Variants in RFX7 observed in about 807,000 individuals in gnomAD.
The protein encoded by RFX7 is regulatory factor X7.
In RFX7, 26 loss-of-function variants were observed where a neutral mutation model predicts 111.8. That is an observed-to-expected ratio of 0.23 (90% CI 0.17 to 0.32). RFX7 has a LOEUF of 0.32. RFX7 is among the 10% of genes least tolerant of loss of function. RFX7 has a pLI of 1.00. For synonymous variants in RFX7, 624 were observed against 624.4 expected (o/e 1.00, Z 0.01); for missense variants, 1,573 against 1,772.9 (o/e 0.89, Z 2.02).
chr15:56,181,456 G>C (rs1337337728), intron 2 of RFX7, among the ~76,000 whole-genome samples: 1 of 152,060 alleles, frequency 6.6e-6, no homozygotes, highest in African/African-American at 2.4e-5. Flanking sequence ...TTGTTTACCA[G>C]CTATCTTCCT....
intron 2 of RFX7, among the ~76,000 whole-genome samples, chr15:56,183,383 T>G (rs1420872445): frequency 6.6e-6 from 1 of 152,154 alleles, no homozygotes. Flanking sequence ...AGTCTATATT[T>G]TATTCTAAAA....
chr15:56,189,864 T>TA (rs2043082636), intron 2 of RFX7: 1 of 152,214 alleles, frequency 6.6e-6, no homozygotes, highest in Admixed American at 6.5e-5. Flanking sequence ...GGAATCAAAC[T>TA]AGATGTCCAC....
chr15:56,116,407 C>T (rs1432975819), intron 5 of RFX7, among the ~76,000 whole-genome samples: 1 of 152,194 alleles, frequency 6.6e-6, no homozygotes, highest in African/African-American at 2.4e-5. Context: ...GGTTGCACTA[C>T]AACATTTTTA....
chr15:56,243,390 G>A, intron 1 of RFX7, 55 bp downstream of exon 1: 1 of 903,234 alleles, frequency 1.1e-6, no homozygotes. Context: ...GGAGGGGGAG[G>A]GGGAGGGGAA....
intron 3 of RFX7, among the ~76,000 whole-genome samples, chr15:56,149,453 C>A (rs532488469): frequency 1.3e-5 from 2 of 152,142 alleles, no homozygotes; most frequent in Non-Finnish European, 2.9e-5. Context: ...CAATTCCCAG[C>A]GAGATTGATG....
chr15:56,177,144 T>G (rs1400596310), intron 3 of RFX7, among the ~76,000 whole-genome samples: 2 of 152,126 alleles, frequency 1.3e-5, no homozygotes, highest in Admixed American at 1.3e-4. Context: ...CATTCCCAGC[T>G]TCAGATTTTT....
intron 2 of RFX7, among the ~76,000 whole-genome samples, chr15:56,188,725 C>T (rs1256508752): frequency 1.3e-5 from 2 of 152,178 alleles, no homozygotes; most frequent in African/African-American, 2.4e-5. Context: ...AAACCTCATA[C>T]TATAGAAAAA....
At position 56,103,544 on chromosome 15, in the gene RFX7, T is replaced by C. The variant is rs2041787463; in HGVS notation, c.518+10A>G. 6.4e-7 allele frequency: 1 copy of C among 1,554,616 alleles called. No homozygotes were observed. The highest frequency in any genetic ancestry group is 8.8e-7 in the Non-Finnish European group (1 of 1,133,634). Reference sequence around the variant, plus strand: ...AGAGATATTACTAACACCATTCTGGTAAAGGATATTTAGATTTGCCTCTTG... The same window carrying C: ...AGAGATATTACTAACACCATTCTGGCAAAGGATATTTAGATTTGCCTCTTG... On this transcript the variant is annotated intron_variant, in intron 6 of 9. Transcript: ENST00000559447.
At chr15:56,187,070 T>C (rs1205292293) in intron 2 of RFX7, among the ~76,000 whole-genome samples, 4 of 152,304 alleles carry the variant, frequency 2.6e-5, no homozygotes, top group East Asian at 1.9e-4. Context: ...CAAGTTAACA[T>C]ATATTAAAAT....
At chr15:56,186,707 CAT>C (rs34384683) in intron 2 of RFX7, among the ~76,000 whole-genome samples, 10,165 of 151,884 alleles carry the variant, frequency 0.067, 448 homozygotes, top group Admixed American at 0.11. Context: ...CATATCTATA[CAT>C]ATATGTGTGT....
chr15:56,195,762 C>T (rs1277055345), intron 2 of RFX7, among the ~76,000 whole-genome samples: 7 of 152,122 alleles, frequency 4.6e-5, no homozygotes, highest in Non-Finnish European at 1.5e-5. Flanking sequence ...CTAAAATTGC[C>T]CCACATTATT....
intron 3 of RFX7, among the ~76,000 whole-genome samples, chr15:56,157,450 T>A (rs980211491): frequency 2.2e-4 from 33 of 152,240 alleles, no homozygotes; most frequent in Non-Finnish European, 4.4e-4. Flanking sequence ...TATTTCACAC[T>A]TTCTCTACTG....
chr15:56,160,729 C>T lies in RFX7; in HGVS notation c.196-16246G>A, dbSNP rs768570554. On this transcript the variant is annotated intron_variant, in intron 3 of 9. Coordinates refer to ENST00000559447, the MANE Select transcript of RFX7 (RefSeq NM_022841.7). The stretch of plus-strand genomic sequence containing the variant: ...CAATCAACATACCTGATATTATATT[C>T]TCTCAGGCCCCAGCAGTTCTTCCAC... 6.6e-5 allele frequency: 10 copies of T among 152,102 alleles called. No individual in the cohort carries two copies. In the East Asian group the frequency reaches 1.9e-3, roughly 29 times the overall value. 9.4% of individuals were successfully genotyped at this position (152,102 alleles called of 1,614,324 possible). A position where few individuals can be genotyped will look rare whatever the true frequency, so the allele number is the denominator to read the frequency against.
intron 5 of RFX7, among the ~76,000 whole-genome samples, chr15:56,141,838 A>C (rs1333670939): frequency 2.0e-5 from 3 of 151,502 alleles, no homozygotes; most frequent in Non-Finnish European, 4.4e-5. Flanking sequence ...GTAAAGAGAA[A>C]ATAAATCTAG....
intron 2 of RFX7, among the ~76,000 whole-genome samples, chr15:56,229,455 C>A (rs558905115): frequency 3.3e-5 from 5 of 152,024 alleles, no homozygotes; most frequent in African/African-American, 1.2e-4. Flanking sequence ...TTAGTAGAGA[C>A]GGGGTTTCAC....
At chr15:56,194,617 A>T (rs377023002) in intron 2 of RFX7, among the ~76,000 whole-genome samples, 1 of 152,086 alleles carries the variant, frequency 6.6e-6, no homozygotes, top group African/African-American at 2.4e-5. Flanking sequence ...CTATAAAACA[A>T]AATTTTTTAT....
chr15:56,232,610 G>A (rs531298837), intron 2 of RFX7, among the ~76,000 whole-genome samples: 96 of 152,118 alleles, frequency 6.3e-4, no homozygotes, highest in African/African-American at 2.1e-3. Context: ...CTAATACATC[G>A]TCAGGCTGCA....
At chr15:56,171,952 T>C (rs1396535676) in intron 3 of RFX7, among the ~76,000 whole-genome samples, 4 of 151,990 alleles carry the variant, frequency 2.6e-5, no homozygotes, top group African/African-American at 9.7e-5. Flanking sequence ...TTTGGACAAA[T>C]ATAGACAAAA....
chr15:56,102,073 C>T (rs1310086412), intron 7 of RFX7, 96 bp downstream of exon 7: 10 of 866,278 alleles, frequency 1.2e-5, no homozygotes, highest in Admixed American at 2.8e-5. Flanking sequence ...AAGGCACAGT[C>T]GCTAGGCTTA....
Sources: gnomAD v4.1 joint callset for allele counts (sites outside exome capture counted in the v4.1 genomes callset) on GRCh38, gnomAD v4.1.1 for gene constraint, MANE v1.5 for transcripts, NCBI Gene and HGNC (gene_info 2026-07-23, HGNC 2026-07-21) for gene names.